MROH9: variants seen among roughly 807,000 people sequenced by gnomAD.
MROH9 encodes the protein maestro heat-like repeat-containing protein family member 9.
Under a neutral mutation model 98.2 loss-of-function variants are expected in MROH9, and 92 were observed. The observed-to-expected ratio is 0.94, with a 90% CI of 0.79 to 1.11. The LOEUF (loss-of-function observed/expected upper bound fraction) is 1.11. Ranked by LOEUF, MROH9 falls within the 50% of genes most tolerant of loss-of-function variation. MROH9 has a pLI of 0.00. For synonymous variants in MROH9, 397 were observed against 368.9 expected (o/e 1.08, Z -0.87); for missense variants, 1,057 against 1,014.8 (o/e 1.04, Z -0.57).
At chr1:170,941,936 A>G (rs1249017792) in intron 1 of MROH9, among the ~76,000 whole-genome samples, 1 of 152,102 alleles carries the variant, frequency 6.6e-6, no homozygotes, top group African/African-American at 2.4e-5. Context: ...CTTTCTCCTC[A>G]TTGGCCACTT....
chr1:170,988,529 T>G (rs1411357786), intron 10 of MROH9, among the ~76,000 whole-genome samples: 3 of 152,120 alleles, frequency 2.0e-5, no homozygotes, highest in Non-Finnish European at 4.4e-5. Flanking sequence ...ACTAGATTTG[T>G]AAAACTAGCT....
At chr1:171,052,131 T>G (rs947880213) in intron 20 of MROH9, among the ~76,000 whole-genome samples, 1 of 152,354 alleles carries the variant, frequency 6.6e-6, no homozygotes. Context: ...ATTGTATGTT[T>G]CCAATAATTT....
intron 3 of MROH9, among the ~76,000 whole-genome samples, chr1:170,958,209 G>A (rs17621142): frequency 0.08 from 12,165 of 152,232 alleles, 625 homozygotes; most frequent in Non-Finnish European, 0.11. Context: ...ACCTTACAAA[G>A]TGCTGTCTGG....
intron 17 of MROH9, among the ~76,000 whole-genome samples, chr1:171,016,585 C>T (rs1421941190): frequency 6.6e-6 from 1 of 151,822 alleles, no homozygotes; most frequent in African/African-American, 2.4e-5. Flanking sequence ...AGCTTTGTGG[C>T]TATATACTGA....
intron 17 of MROH9, among the ~76,000 whole-genome samples, chr1:171,017,976 G>A (rs1484940621): frequency 6.6e-6 from 1 of 152,116 alleles, no homozygotes; most frequent in Non-Finnish European, 1.5e-5. Context: ...TACTAGTTTG[G>A]AGGAAGCAAG....
intron 13 of MROH9, 100 bp from the exon 14 acceptor site, chr1:170,996,403 AAACC>A: frequency 7.6e-7 from 1 of 1,309,972 alleles, no homozygotes; most frequent in East Asian, 2.4e-5. Flanking sequence ...CCCTTTCTCA[AAACC>A]TATATTCTGC....
chr1:171,041,695 A>G (rs72710596), intron 20 of MROH9, among the ~76,000 whole-genome samples: 13,546 of 151,942 alleles, frequency 0.089, 752 homozygotes, highest in Middle Eastern at 0.22. Flanking sequence ...CCAACAATGT[A>G]TATGCATTCA....
At chr1:171,005,201 A>T (rs2101823477) in intron 15 of MROH9, among the ~76,000 whole-genome samples, 1 of 152,246 alleles carries the variant, frequency 6.6e-6, no homozygotes, top group Middle Eastern at 3.4e-3. Flanking sequence ...AGTAGCTGGG[A>T]CTATAGGTGC....
chr1:170,956,637 C>T (rs1571447324), intron 3 of MROH9, among the ~76,000 whole-genome samples: 2 of 97,616 alleles, frequency 2.0e-5, no homozygotes, highest in African/African-American at 4.3e-5. Context: ...GGGTTGAGTT[C>T]TCGATTTGAT....
At chr1:171,014,334 A>G in intron 16 of MROH9, 80 bp downstream of exon 16, 2 of 1,311,038 alleles carry the variant, frequency 1.5e-6, no homozygotes. Context: ...ATCTTCACTG[A>G]CAAAGCGGTG....
intron 20 of MROH9, among the ~76,000 whole-genome samples, chr1:171,030,251 T>C (rs1571152719): frequency 6.6e-6 from 1 of 152,194 alleles, no homozygotes; most frequent in East Asian, 1.9e-4. Flanking sequence ...CCTGGATTTA[T>C]TGTTTTTTTG....
intron 1 of MROH9, among the ~76,000 whole-genome samples, chr1:170,936,157 C>G (rs1648873350): frequency 6.6e-6 from 1 of 151,910 alleles, no homozygotes; most frequent in Admixed American, 6.6e-5. Flanking sequence ...TGAGAGAAAC[C>G]ACAACTATAT....
intron 1 of MROH9, among the ~76,000 whole-genome samples, chr1:170,938,770 C>T (rs1648997402): frequency 6.6e-6 from 1 of 152,214 alleles, no homozygotes; most frequent in South Asian, 2.1e-4. Context: ...AATGCTTCCT[C>T]TTCTATGATG....
intron 20 of MROH9, among the ~76,000 whole-genome samples, chr1:171,032,517 G>A (rs1375901293): frequency 6.6e-6 from 1 of 151,972 alleles, no homozygotes; most frequent in Non-Finnish European, 1.5e-5. Context: ...TTCTTGCAAT[G>A]GTAAAGTCCC....
intron 17 of MROH9, among the ~76,000 whole-genome samples, chr1:171,017,597 G>A (rs1004546033): frequency 2.0e-5 from 3 of 152,140 alleles, no homozygotes; most frequent in Admixed American, 2.0e-4. Context: ...TAAACTCCTT[G>A]GGGGAGGGGT....
intron 15 of MROH9, among the ~76,000 whole-genome samples, chr1:171,010,683 C>T (rs570682178): frequency 3.3e-5 from 5 of 152,238 alleles, no homozygotes; most frequent in Non-Finnish European, 5.9e-5. Context: ...CTCTAATGAC[C>T]AGTGATGATG....
intron 11 of MROH9, among the ~76,000 whole-genome samples, 164 bp downstream of exon 11, chr1:170,990,167 G>T (rs16863926): frequency 6.6e-6 from 1 of 151,992 alleles, no homozygotes; most frequent in African/African-American, 2.4e-5. Context: ...GTAAGACTCA[G>T]ATAAGATCAT....
At chr1:170,962,836 ATTAAAGAC>A (rs1368324043) in intron 6 of MROH9, among the ~76,000 whole-genome samples, 1 of 152,144 alleles carries the variant, frequency 6.6e-6, no homozygotes, top group Non-Finnish European at 1.5e-5. Context: ...CTGAAGATGG[ATTAAAGAC>A]TTAAATGTAA....
intron 9 of MROH9, 51 bp downstream of exon 9, chr1:170,983,585 C>A: frequency 9.8e-7 from 1 of 1,015,540 alleles, no homozygotes; most frequent in Non-Finnish European, 1.5e-6. Context: ...TGTATGATTA[C>A]TCTTAGTAAC....
Sources: allele counts gnomAD v4.1 joint callset (sites outside exome capture counted in the v4.1 genomes callset), GRCh38; gene constraint gnomAD v4.1.1; transcripts MANE v1.5; gene names NCBI Gene and HGNC (gene_info 2026-07-23, HGNC 2026-07-21).